The following GRM5 variants were observed in gnomAD, a reference collection of about 807,000 sequenced individuals.
The protein encoded by GRM5 is glutamate metabotropic receptor 5.
A neutral mutation model predicts 83.1 loss-of-function variants in GRM5; 19 were observed. That is an observed-to-expected ratio of 0.23 (90% CI 0.16 to 0.34). GRM5 has a LOEUF of 0.34. GRM5 is among the 10% of genes least tolerant of loss of function. The pLI, the probability that GRM5 is intolerant of heterozygous loss-of-function variation, is 1.00. For missense variants in GRM5, 1,160 were observed against 1,588.3 expected, an observed-to-expected ratio of 0.73 and a Z score of 4.58; for synonymous variants, 675 against 633.6, an observed-to-expected ratio of 1.07 and a Z score of -0.98.
intron 3 of GRM5, among the ~76,000 whole-genome samples, chr11:88,812,276 C>T (rs1415421937): frequency 2.4e-5 from 3 of 126,138 alleles, no homozygotes; most frequent in African/African-American, 3.7e-5. Flanking sequence ...TCTGAAGAGG[C>T]CCCCAAAAAT....
chr11:88,887,556 C>T (rs1377663526), intron 2 of GRM5, among the ~76,000 whole-genome samples: 1 of 152,138 alleles, frequency 6.6e-6, no homozygotes, highest in Non-Finnish European at 1.5e-5. Context: ...GTTTCCATAG[C>T]TGGCAGTCAT....
At chr11:88,723,198 C>T (rs1353005561) in intron 3 of GRM5, among the ~76,000 whole-genome samples, 1 of 150,098 alleles carries the variant, frequency 6.7e-6, no homozygotes, top group Non-Finnish European at 1.5e-5. Context: ...CATGATTTTT[C>T]ATAGCTTGAT....
chr11:88,855,882 G>A (rs1026813661), intron 2 of GRM5, among the ~76,000 whole-genome samples: 5 of 151,754 alleles, frequency 3.3e-5, no homozygotes, highest in African/African-American at 7.3e-5. Context: ...AGGTACTTAC[G>A]TATTTCTTGT....
At chr11:88,774,771 A>G (rs539332269) in intron 3 of GRM5, among the ~76,000 whole-genome samples, 1 of 152,324 alleles carries the variant, frequency 6.6e-6, no homozygotes, top group Non-Finnish European at 1.5e-5. Context: ...ATGTTGAAGC[A>G]GCCTTGCATC....
intron 3 of GRM5, among the ~76,000 whole-genome samples, chr11:88,677,113 T>C (rs1284733654): frequency 6.6e-6 from 1 of 152,094 alleles, no homozygotes; most frequent in African/African-American, 2.4e-5. Context: ...GTATTTATGT[T>C]AATGTCCAGT....
intron 3 of GRM5, among the ~76,000 whole-genome samples, chr11:88,784,539 A>G (rs1943030029): frequency 6.6e-6 from 1 of 151,090 alleles, no homozygotes; most frequent in Non-Finnish European, 1.5e-5. Flanking sequence ...GGCTAAGTAA[A>G]GGACCTGATG....
At chr11:88,683,897 T>C (rs1223659279) in intron 3 of GRM5, among the ~76,000 whole-genome samples, 6 of 152,212 alleles carry the variant, frequency 3.9e-5, no homozygotes, top group Non-Finnish European at 8.8e-5. Flanking sequence ...TATATTTAGA[T>C]AGCAATACAT....
At chr11:89,050,184 T>C (rs1941728386) in intron 1 of GRM5, among the ~76,000 whole-genome samples, 1 of 152,194 alleles carries the variant, frequency 6.6e-6, no homozygotes, top group Non-Finnish European at 1.5e-5. Context: ...CTTTTGAAGG[T>C]ATGCGAAGTT....
intron 8 of GRM5, among the ~76,000 whole-genome samples, chr11:88,555,229 T>C (rs1942598745): frequency 6.6e-6 from 1 of 152,166 alleles, no homozygotes; most frequent in African/African-American, 2.4e-5. Flanking sequence ...AGTGAATCTA[T>C]GTTGTGATTC....
At chr11:88,736,327 A>G (rs1941913404) in intron 3 of GRM5, among the ~76,000 whole-genome samples, 1 of 152,008 alleles carries the variant, frequency 6.6e-6, no homozygotes, top group African/African-American at 2.4e-5. Context: ...TTAATGTGCA[A>G]ATTGATTTTA....
intron 2 of GRM5, among the ~76,000 whole-genome samples, chr11:88,877,965 C>G (rs1944887799): frequency 6.6e-6 from 1 of 151,984 alleles, no homozygotes; most frequent in Non-Finnish European, 1.5e-5. Flanking sequence ...TGTAACTAAC[C>G]TGCACATTGT....
At chr11:88,565,414 A>G (rs71469205) in intron 8 of GRM5, among the ~76,000 whole-genome samples, 6,139 of 152,276 alleles carry the variant, frequency 0.04, 157 homozygotes, top group South Asian at 0.086. Flanking sequence ...CCACCACTCC[A>G]TGCTGTCTCC....
At chr11:88,976,380 C>G (rs1291465828) in intron 2 of GRM5, among the ~76,000 whole-genome samples, 1 of 152,070 alleles carries the variant, frequency 6.6e-6, no homozygotes, top group East Asian at 1.9e-4. Context: ...CATTTCCTCT[C>G]CTTTCTTCAA....
chr11:88,626,341 A>G (rs185359047), intron 4 of GRM5, among the ~76,000 whole-genome samples: 2 of 152,248 alleles, frequency 1.3e-5, no homozygotes, highest in Non-Finnish European at 2.9e-5. Flanking sequence ...AGAATATATA[A>G]AACAGTCTAA....
At chr11:88,739,547 G>A (rs76752195) in intron 3 of GRM5, among the ~76,000 whole-genome samples, 1,633 of 152,006 alleles carry the variant, frequency 0.011, 24 homozygotes, top group African/African-American at 0.037. Flanking sequence ...CCAAAATCTC[G>A]TCTTGAATTG....
At chr11:88,888,256 T>C (rs316116) in intron 2 of GRM5, among the ~76,000 whole-genome samples, 143,146 of 152,228 alleles carry the variant, frequency 0.94, 67,372 homozygotes, top group South Asian at 0.97. Context: ...TGGAGGGATG[T>C]TATGTTGCTC....
Position 88,660,357 on chromosome 11 carries a change from C to A in GRM5, c.912-6954G>T, listed in dbSNP as rs570200396. Among the ~76,000 whole-genome samples the A allele has an allele frequency of 1.3e-4, 20 of 152,166 alleles. No individual in the cohort carries two copies. In the South Asian group the frequency reaches 3.9e-3, roughly 30 times the overall value. ...AGTTCTTAATTCTTACATTTATAAT[C>A]TCTTGATTTATTTATATGGAAGACT... is the stretch of plus-strand genomic sequence containing the variant. On this transcript the variant is annotated intron_variant, in intron 3 of 9. Transcript: ENST00000305447.
At chr11:88,695,353 T>G (rs1238430242) in intron 3 of GRM5, among the ~76,000 whole-genome samples, 1 of 152,214 alleles carries the variant, frequency 6.6e-6, no homozygotes, top group African/African-American at 2.4e-5. Context: ...CTTCCATTAT[T>G]TATATAGTGG....
intron 3 of GRM5, among the ~76,000 whole-genome samples, chr11:88,782,703 G>A (rs1017607421): frequency 5.9e-5 from 9 of 152,170 alleles, no homozygotes; most frequent in African/African-American, 2.2e-4. Context: ...GAAAGCTTTA[G>A]GTTTCACCAT....
Sources: gnomAD v4.1 joint callset for allele counts (sites outside exome capture counted in the v4.1 genomes callset) on GRCh38, gnomAD v4.1.1 for gene constraint, MANE v1.5 for transcripts, NCBI Gene and HGNC (gene_info 2026-07-23, HGNC 2026-07-21) for gene names.